Variants in KAT6B observed in about 807,000 individuals in gnomAD.
The protein encoded by KAT6B is lysine acetyltransferase 6B, also known as histone acetyltransferase KAT6B.
In KAT6B, 10 loss-of-function variants were observed where a neutral mutation model predicts 187.5. That is an observed-to-expected ratio of 0.05 (90% confidence interval 0.03 to 0.09). The LOEUF (loss-of-function observed/expected upper bound fraction) is 0.09. Ranked by LOEUF, KAT6B falls within the 10% of genes least tolerant of loss-of-function variation. The probability of loss-of-function intolerance (pLI) is 1.00; values close to 1 mark genes in which losing one functional copy is unlikely to be tolerated. For missense variants in KAT6B, 1,952 were observed against 2,558.9 expected (o/e 0.76, Z 5.12); for synonymous variants, 861 against 926.8 (o/e 0.93, Z 1.29).
intron 4 of KAT6B, 44 bp downstream of exon 4, chr10:74,960,122 A>G: frequency 8.6e-7 from 1 of 1,161,194 alleles, no homozygotes; most frequent in Non-Finnish European, 1.3e-6. Context: ...ACTTCCCATT[A>G]TCATAGCTTC....
chr10:74,940,149 A>C (rs1382559350), intron 3 of KAT6B, among the ~76,000 whole-genome samples: 1 of 152,194 alleles, frequency 6.6e-6, no homozygotes, highest in Non-Finnish European at 1.5e-5. Context: ...TTCTATTAAA[A>C]TGTCTTTGTA....
At chr10:74,991,626 G>GT (rs978007563) in intron 13 of KAT6B, among the ~76,000 whole-genome samples, 20 of 152,302 alleles carry the variant, frequency 1.3e-4, no homozygotes, top group African/African-American at 4.8e-4. Context: ...TGAGGGTGTG[G>GT]TTTTTTTCTT....
Position 74,853,749 on chromosome 10 carries a change from T to G in KAT6B, c.621+10271T>G, listed in dbSNP as rs1001561477. Among the ~76,000 whole-genome samples the G allele has an allele frequency of 2.7e-5, 4 of 150,920 alleles. No homozygotes were observed. The Admixed American group carries it at 2.7e-4, about 10-fold the overall frequency. ...TTAAAGCAATTCTCCTGTCTTGGCC[T>G]CCCGAGTAGCTGGGATTACAGGCAT... On this transcript the variant is annotated intron_variant, in intron 3 of 17. Transcript: ENST00000287239.
At chr10:74,911,558 G>T (rs1847205284) in intron 3 of KAT6B, among the ~76,000 whole-genome samples, 1 of 152,056 alleles carries the variant, frequency 6.6e-6, no homozygotes, top group Non-Finnish European at 1.5e-5. Context: ...GTGAGCCACT[G>T]TGCCCAGCCT....
At position 74,827,197 on chromosome 10, in the gene KAT6B, G is replaced by A. The variant is rs187231729; in HGVS notation, c.-329+412G>A. On this transcript the variant is annotated intron_variant, in intron 1 of 17. Transcript: ENST00000287239. ...AGGAGAAGCTGAAGGTGTAGAAGCA[G>A]GTGCAGAGGGAGAGTTAGGGAGGGA... 3 of 153,370 alleles carry A rather than the reference G, an allele frequency of 2.0e-5. No homozygotes were observed. The Admixed American group carries it at 2.0e-4, about 10-fold the overall frequency. The allele number at this position is 153,370 out of a possible 1,614,324, so 9.5% of individuals were successfully genotyped here. A position where few individuals can be genotyped will look rare whatever the true frequency, so the allele number is the denominator to read the frequency against.
At chr10:74,998,647 C>T (rs2133947296) in intron 13 of KAT6B, among the ~76,000 whole-genome samples, 1 of 152,286 alleles carries the variant, frequency 6.6e-6, no homozygotes, top group African/African-American at 2.4e-5. Context: ...ATGTTCTGAC[C>T]AGGTGCAGTG....
chr10:74,837,341 ATAATT>A (rs1250310755), intron 1 of KAT6B, among the ~76,000 whole-genome samples: 1 of 152,252 alleles, frequency 6.6e-6, no homozygotes, highest in East Asian at 1.9e-4. Context: ...AGAAAATAGA[ATAATT>A]TAATTTGATG....
chr10:75,017,422 TG>T (rs1845059537), intron 13 of KAT6B, among the ~76,000 whole-genome samples: 1 of 152,162 alleles, frequency 6.6e-6, no homozygotes, highest in Admixed American at 6.5e-5. Context: ...GAGACCAGCC[TG>T]GGCAAAATGG....
intron 4 of KAT6B, among the ~76,000 whole-genome samples, chr10:74,964,709 C>G (rs1383083773): frequency 6.6e-6 from 1 of 152,154 alleles, no homozygotes; most frequent in Non-Finnish European, 1.5e-5. Flanking sequence ...ACAACAATAA[C>G]AACAGAAATC....
Position 75,031,276 on chromosome 10 carries a change from A to C in KAT6B, c.*230A>C. Reference sequence around the variant, plus strand: ...TGGTACCTTCATTTCTGTTACTTTTATATAAAATTCTCTGCAAAGGAAGGC... The same window carrying C: ...TGGTACCTTCATTTCTGTTACTTTTCTATAAAATTCTCTGCAAAGGAAGGC... On this transcript the variant is annotated 3_prime_UTR_variant, in exon 18 of 18. Coordinates refer to ENST00000287239, the MANE Select transcript of KAT6B (RefSeq NM_012330.4). The C allele has an allele frequency of 1.9e-6, 1 of 537,310 alleles. No individual in the cohort carries two copies. The highest frequency in any genetic ancestry group is 3.3e-6 in the Non-Finnish European group (1 of 305,444). The allele number at this position is 537,310 out of a possible 1,614,324, so 33.3% of individuals were successfully genotyped here.
intron 3 of KAT6B, among the ~76,000 whole-genome samples, chr10:74,853,640 T>A (rs996488893): frequency 9.7e-5 from 14 of 145,072 alleles, no homozygotes; most frequent in South Asian, 2.2e-4. Context: ...TTTTTTTTTT[T>A]AATTTGAGAT....
rs546432678 is a variant in KAT6B, at chr10:75,028,904, A to G, written c.4080A>G (p.Glu1360=). 739 of 1,571,640 alleles carry G rather than the reference A, an allele frequency of 4.7e-4. 10 individuals are homozygous for G. In the South Asian group the frequency reaches 7.8e-3, roughly 17 times the overall value. ...PEEEEEEEEE[E]EEEEEEEEGE... ...AAGAGGAAGAGGAGGAGGAGGAGGA[A>G]GAGGAAGAAGAGGAAGAAGAGGAAG... Residue 1360 remains glutamate (E), a synonymous_variant, in exon 18 of 18, where the codon GAA becomes GAG. Coordinates refer to ENST00000287239, the MANE Select transcript of KAT6B (RefSeq NM_012330.4).
At chr10:74,837,271 T>G (rs2132018148) in intron 1 of KAT6B, among the ~76,000 whole-genome samples, 1 of 152,326 alleles carries the variant, frequency 6.6e-6, no homozygotes, top group Non-Finnish European at 1.5e-5. Flanking sequence ...TAAGACCGTA[T>G]GATACAACCA....
At chr10:74,919,489 C>T (rs1246051412) in intron 3 of KAT6B, among the ~76,000 whole-genome samples, 1 of 151,958 alleles carries the variant, frequency 6.6e-6, no homozygotes, top group African/African-American at 2.4e-5. Context: ...CAACCTCTGC[C>T]TCCTGGGTTC....
At chr10:74,929,505 A>G (rs1230204156) in intron 3 of KAT6B, among the ~76,000 whole-genome samples, 1 of 152,240 alleles carries the variant, frequency 6.6e-6, no homozygotes, top group Non-Finnish European at 1.5e-5. Context: ...CATATACAGG[A>G]CATAGTCCAA....
chr10:74,980,188 A>G (rs922999844), intron 10 of KAT6B, among the ~76,000 whole-genome samples: 1 of 152,228 alleles, frequency 6.6e-6, no homozygotes, highest in African/African-American at 2.4e-5. Context: ...GGAGAAAATA[A>G]TGGTATCCAA....
intron 3 of KAT6B, among the ~76,000 whole-genome samples, chr10:74,943,613 CT>C (rs1198433380): frequency 1.3e-5 from 2 of 152,068 alleles, no homozygotes; most frequent in Non-Finnish European, 2.9e-5. Flanking sequence ...AAAAATGAAC[CT>C]TGACCCTTAT....
intron 3 of KAT6B, among the ~76,000 whole-genome samples, chr10:74,936,278 C>T (rs1014998190): frequency 6.6e-6 from 1 of 151,948 alleles, no homozygotes; most frequent in Non-Finnish European, 1.5e-5. Flanking sequence ...TGGCAGGCGC[C>T]TGTAATCCCA....
intron 13 of KAT6B, among the ~76,000 whole-genome samples, chr10:75,019,362 C>T (rs553713707): frequency 6.6e-6 from 1 of 152,260 alleles, no homozygotes; most frequent in South Asian, 2.1e-4. Flanking sequence ...AGGCTGGATT[C>T]TTGTTTTGTA....
Sources: allele counts gnomAD v4.1 joint callset (sites outside exome capture counted in the v4.1 genomes callset), GRCh38; gene constraint gnomAD v4.1.1; transcripts MANE v1.5; gene names NCBI Gene and HGNC (gene_info 2026-07-23, HGNC 2026-07-21).